FGGY: variants seen among roughly 807,000 people sequenced by gnomAD.
FGGY encodes the protein FGGY carbohydrate kinase domain-containing protein.
A neutral mutation model predicts 71.3 loss-of-function variants in FGGY; 72 were observed. That is an observed-to-expected ratio of 1.01 (90% CI 0.84 to 1.23). The LOEUF is 1.23. Among genes scored for constraint, FGGY ranks in the 50% most tolerant of loss-of-function variants. FGGY has a pLI of 0.00. For synonymous variants in FGGY, 251 were observed against 250.3 expected, an observed-to-expected ratio of 1.00 and a Z score of -0.02; for missense variants, 668 against 682.3, an observed-to-expected ratio of 0.98 and a Z score of 0.23.
chr1:59,531,601 A>C (rs1404627812), intron 7 of FGGY, among the ~76,000 whole-genome samples: 1 of 152,152 alleles, frequency 6.6e-6, no homozygotes, highest in African/African-American at 2.4e-5. Flanking sequence ...TGAGATTTGG[A>C]CTCAACATTT....
chr1:59,723,554 G>A (rs890513012), intron 14 of FGGY, among the ~76,000 whole-genome samples: 1 of 81,792 alleles, frequency 1.2e-5, no homozygotes, highest in Non-Finnish European at 2.5e-5. Context: ...GCATTTTCTT[G>A]TTTTTTTTTG....
At chr1:59,719,953 A>G (rs559225291) in intron 14 of FGGY, among the ~76,000 whole-genome samples, 9 of 152,300 alleles carry the variant, frequency 5.9e-5, no homozygotes, top group African/African-American at 1.9e-4. Flanking sequence ...GAGATCGACA[A>G]TTTACTCCCA....
intron 10 of FGGY, among the ~76,000 whole-genome samples, chr1:59,630,613 C>A (rs547790136): frequency 1.6e-4 from 24 of 152,328 alleles, no homozygotes; most frequent in Admixed American, 1.4e-3. Flanking sequence ...GTAACACAAA[C>A]TTACTGAATA....
chr1:59,338,431 T>G (rs938520838), intron 2 of FGGY, among the ~76,000 whole-genome samples: 5 of 152,184 alleles, frequency 3.3e-5, no homozygotes, highest in Admixed American at 2.0e-4. Flanking sequence ...CTTAAATGTT[T>G]GATAAAATTT....
At chr1:59,467,497 TAAAA>T (rs5774464) in intron 6 of FGGY, among the ~76,000 whole-genome samples, 2 of 148,972 alleles carry the variant, frequency 1.3e-5, no homozygotes, top group East Asian at 3.9e-4. Context: ...TAAAGTATAA[TAAAA>T]AAAAAACATA....
intron 8 of FGGY, among the ~76,000 whole-genome samples, chr1:59,600,911 A>G (rs1488356554): frequency 6.6e-6 from 1 of 151,930 alleles, no homozygotes; most frequent in Non-Finnish European, 1.5e-5. Flanking sequence ...AGCTATTTAC[A>G]ATTCAATCTG....
intron 5 of FGGY, among the ~76,000 whole-genome samples, chr1:59,406,482 A>T (rs1557824342): frequency 6.6e-6 from 1 of 152,206 alleles, no homozygotes; most frequent in Non-Finnish European, 1.5e-5. Context: ...TGCCTTACAG[A>T]GACAATAACG....
intron 14 of FGGY, among the ~76,000 whole-genome samples, chr1:59,690,346 G>A (rs895324209): frequency 6.6e-6 from 1 of 152,122 alleles, no homozygotes; most frequent in African/African-American, 2.4e-5. Context: ...GTTGTACTTT[G>A]CACACAAGGA....
At chr1:59,597,778 T>G (rs2096538278) in intron 8 of FGGY, among the ~76,000 whole-genome samples, 1 of 152,226 alleles carries the variant, frequency 6.6e-6, no homozygotes, top group South Asian at 2.1e-4. Flanking sequence ...AGGCATCCTT[T>G]TAACGGAACT....
intron 6 of FGGY, among the ~76,000 whole-genome samples, chr1:59,461,982 C>A (rs1480123541): frequency 6.6e-6 from 1 of 151,824 alleles, no homozygotes; most frequent in African/African-American, 2.4e-5. Context: ...CCTCCTCCCC[C>A]CACCCCACAA....
chr1:59,379,131 C>G (rs2059050190), intron 5 of FGGY, among the ~76,000 whole-genome samples: 1 of 137,060 alleles, frequency 7.3e-6, no homozygotes, highest in Non-Finnish European at 1.6e-5. Context: ...TCCAAAGGCA[C>G]TTTTTACATG....
chr1:59,687,991 T>C (rs2097558831), intron 14 of FGGY, among the ~76,000 whole-genome samples: 1 of 152,318 alleles, frequency 6.6e-6, no homozygotes, highest in East Asian at 1.9e-4. Context: ...CTGGTTATCA[T>C]GGAGAGACGT....
At chr1:59,507,028 G>A (rs1022963801) in intron 6 of FGGY, among the ~76,000 whole-genome samples, 1 of 152,148 alleles carries the variant, frequency 6.6e-6, no homozygotes, top group Non-Finnish European at 1.5e-5. Flanking sequence ...CAGTTTAACT[G>A]TGCAAAGAAT....
intron 5 of FGGY, among the ~76,000 whole-genome samples, chr1:59,418,031 T>C (rs2064776790): frequency 6.6e-6 from 1 of 152,158 alleles, no homozygotes; most frequent in South Asian, 2.1e-4. Context: ...TAGCTGGGCA[T>C]ATGACTTCTC....
intron 14 of FGGY, among the ~76,000 whole-genome samples, chr1:59,739,530 G>T (rs2098130876): frequency 6.6e-6 from 1 of 152,206 alleles, no homozygotes; most frequent in South Asian, 2.1e-4. Flanking sequence ...TTGCAGGTGG[G>T]AAGGTAAGGT....
At chr1:59,459,749 T>C (rs979165880) in intron 6 of FGGY, among the ~76,000 whole-genome samples, 1 of 152,214 alleles carries the variant, frequency 6.6e-6, no homozygotes, top group African/African-American at 2.4e-5. Context: ...TCCCACCTGT[T>C]CTAATTGATT....
chr1:59,535,633 T>C (rs2095293315), intron 7 of FGGY, among the ~76,000 whole-genome samples: 1 of 150,804 alleles, frequency 6.6e-6, no homozygotes, highest in African/African-American at 2.4e-5. Flanking sequence ...ACAAACTATC[T>C]CTCAGACCAC....
At chr1:59,420,123 G>A (rs1007497475) in intron 5 of FGGY, among the ~76,000 whole-genome samples, 3 of 152,264 alleles carry the variant, frequency 2.0e-5, no homozygotes, top group Middle Eastern at 3.4e-3. Context: ...ATAAGCAGCC[G>A]CTTTGGGCCC....
At chr1:59,619,952 C>A (rs755905935) in intron 9 of FGGY, among the ~76,000 whole-genome samples, 48 of 151,898 alleles carry the variant, frequency 3.2e-4, no homozygotes, top group Non-Finnish European at 6.3e-4. Flanking sequence ...GGTAGAGCCA[C>A]CTTCAAACCT....
Sources: gnomAD v4.1 joint callset for allele counts (sites outside exome capture counted in the v4.1 genomes callset) on GRCh38, gnomAD v4.1.1 for gene constraint, MANE v1.5 for transcripts, NCBI Gene and HGNC (gene_info 2026-07-23, HGNC 2026-07-21) for gene names.